The following SPTLC3 variants were observed in gnomAD, a reference collection of about 807,000 sequenced individuals.
SPTLC3 encodes the protein serine palmitoyltransferase 3.
In SPTLC3, 36 loss-of-function variants were observed where a neutral mutation model predicts 59.3. That is an observed-to-expected ratio of 0.61 (90% CI 0.47 to 0.80). The LOEUF is 0.80. Among genes scored for constraint, SPTLC3 ranks in the 30% least tolerant of loss-of-function variants. The pLI, the probability that SPTLC3 is intolerant of heterozygous loss-of-function variation, is 0.00. For missense variants in SPTLC3, 625 were observed against 685.1 expected, an observed-to-expected ratio of 0.91 and a Z score of 0.98; for synonymous variants, 257 against 240.8, an observed-to-expected ratio of 1.07 and a Z score of -0.62.
At chr20:13,053,724 C>T (rs1485669204) in intron 2 of SPTLC3, among the ~76,000 whole-genome samples, 2 of 151,930 alleles carry the variant, frequency 1.3e-5, no homozygotes, top group East Asian at 1.9e-4. Flanking sequence ...AAACACAGCA[C>T]AAAAACTTCG....
chr20:13,090,953 A>G, intron 4 of SPTLC3, 130 bp from the exon 5 acceptor site: 1 of 1,261,210 alleles, frequency 7.9e-7, no homozygotes. Context: ...GATTAGGGCA[A>G]TGGCAAATCT....
intron 9 of SPTLC3, among the ~76,000 whole-genome samples, chr20:13,137,282 A>C (rs981316232): frequency 6.6e-6 from 1 of 152,272 alleles, no homozygotes; most frequent in South Asian, 2.1e-4. Flanking sequence ...TCTGTGGGGA[A>C]GTTGTTGCCT....
chr20:13,110,702 T>TAGGA (rs1360672046), intron 7 of SPTLC3, among the ~76,000 whole-genome samples: 2 of 152,022 alleles, frequency 1.3e-5, no homozygotes, highest in Non-Finnish European at 2.9e-5. Context: ...TTCCCCAAGG[T>TAGGA]AGGAGTAACC....
chr20:13,141,608 C>T (rs112155275), intron 9 of SPTLC3, among the ~76,000 whole-genome samples: 2 of 152,188 alleles, frequency 1.3e-5, no homozygotes, highest in African/African-American at 4.8e-5. Context: ...CTGAGGGCCC[C>T]GGCATTCAAG....
At chr20:13,010,817 C>A (rs1050510342) in intron 1 of SPTLC3, among the ~76,000 whole-genome samples, 1 of 152,168 alleles carries the variant, frequency 6.6e-6, no homozygotes, top group African/African-American at 2.4e-5. Flanking sequence ...CTTAACTTTT[C>A]TCCCTTTTAT....
chr20:13,091,277 G>A, intron 5 of SPTLC3, 70 bp downstream of exon 5: 1 of 1,566,420 alleles, frequency 6.4e-7, no homozygotes, highest in Non-Finnish European at 8.7e-7. Flanking sequence ...GTAGGTCCTT[G>A]TTAGAAGTAT....
intron 8 of SPTLC3, among the ~76,000 whole-genome samples, chr20:13,122,073 C>A (rs2037879848): frequency 6.6e-6 from 1 of 152,180 alleles, no homozygotes; most frequent in African/African-American, 2.4e-5. Flanking sequence ...CCTGAGAATG[C>A]AGTTGAGTAA....
intron 8 of SPTLC3, among the ~76,000 whole-genome samples, chr20:13,124,220 C>T (rs949740930): frequency 6.6e-6 from 1 of 151,960 alleles, no homozygotes; most frequent in Non-Finnish European, 1.5e-5. Flanking sequence ...CCTTATGGTC[C>T]CTTTCTATCC....
intron 4 of SPTLC3, among the ~76,000 whole-genome samples, chr20:13,085,922 T>C (rs1988991252): frequency 6.6e-6 from 1 of 152,118 alleles, no homozygotes; most frequent in Non-Finnish European, 1.5e-5. Context: ...AGCATAACAC[T>C]GAATAAATGG....
chr20:13,114,975 T>C (rs1990451976), intron 7 of SPTLC3, among the ~76,000 whole-genome samples: 1 of 152,240 alleles, frequency 6.6e-6, no homozygotes, highest in Admixed American at 6.5e-5. Context: ...TTAAGAATAA[T>C]TCAAGTCCCT....
chr20:13,044,995 CCA>C (rs5840546), intron 1 of SPTLC3, among the ~76,000 whole-genome samples: 6,274 of 141,310 alleles, frequency 0.044, 321 homozygotes, highest in African/African-American at 0.13. Context: ...TGTGTCCCCA[CCA>C]CACACACACA....
At chr20:13,124,743 T>C (rs2037948517) in intron 8 of SPTLC3, among the ~76,000 whole-genome samples, 1 of 152,088 alleles carries the variant, frequency 6.6e-6, no homozygotes, top group African/African-American at 2.4e-5. Context: ...CTGTGAATGT[T>C]GAAAATGCTT....
intron 6 of SPTLC3, among the ~76,000 whole-genome samples, chr20:13,098,472 G>A (rs778916152): frequency 5.9e-5 from 9 of 152,218 alleles, no homozygotes; most frequent in South Asian, 2.1e-4. Flanking sequence ...TTTCTATTAC[G>A]TTTCAAATTA....
chr20:13,038,043 TG>T (rs1232598846), intron 1 of SPTLC3, among the ~76,000 whole-genome samples: 7 of 149,244 alleles, frequency 4.7e-5, no homozygotes, highest in East Asian at 3.9e-4. Flanking sequence ...GAGAAAATCA[TG>T]AATATATATA....
chr20:13,165,621 A>T lies in SPTLC3; in HGVS notation c.*754A>T, dbSNP rs1280124239. 6.6e-6 allele frequency: 1 copy of T among 152,228 alleles called. No individual in the cohort carries two copies. Among genetic ancestry groups the T allele is most frequent in the East Asian group, 1.9e-4 (1 of 5,190 alleles). The allele number at this position is 152,228 out of a possible 1,614,324, so 9.4% of individuals were successfully genotyped here. A position where few individuals can be genotyped will look rare whatever the true frequency, so the allele number is the denominator to read the frequency against. ...GCAAGCACAAGACACTTTTAGGTCT[A>T]GACTAAAATGGTAGTTACAACAATT... On this transcript the variant is annotated 3_prime_UTR_variant, in exon 12 of 12. Transcript: ENST00000399002.
At chr20:13,152,826 C>A (rs2038679622) in intron 9 of SPTLC3, among the ~76,000 whole-genome samples, 1 of 152,174 alleles carries the variant, frequency 6.6e-6, no homozygotes, top group Admixed American at 6.5e-5. Flanking sequence ...TTTGAAAAGG[C>A]ACAATCTGGG....
intron 6 of SPTLC3, among the ~76,000 whole-genome samples, chr20:13,109,841 C>T (rs774368962): frequency 2.0e-5 from 3 of 152,136 alleles, no homozygotes; most frequent in Non-Finnish European, 4.4e-5. Flanking sequence ...CTAAGGCAGG[C>T]GGGGAGAGCC....
Position 13,038,045 on chromosome 20 carries a change from A to AATATATATATATATATATATATATAT in SPTLC3, c.118-10885_118-10884insTATATATATATATATATATATATATA, listed in dbSNP as rs74181398. Among the ~76,000 whole-genome samples, 706 of 139,146 alleles carry AATATATATATATATATATATATATAT rather than the reference A, an allele frequency of 5.1e-3. 8 individuals carry two copies. Among genetic ancestry groups the AATATATATATATATATATATATATAT allele is most frequent in the African/African-American group, 0.013 (479 of 36,218 alleles). The allele number at this position is 139,146 out of a possible 152,430, so 91.3% of individuals were successfully genotyped here. On this transcript the variant is annotated intron_variant, in intron 1 of 11. Coordinates refer to ENST00000399002, the MANE Select transcript of SPTLC3 (RefSeq NM_018327.4). ...GCTGGAAAATACAGAGAAAATCATG[A>AATATATATATATATATATATATATAT]ATATATATATATATAATATATCTTC...
At chr20:13,091,496 C>T (rs532106611) in intron 5 of SPTLC3, among the ~76,000 whole-genome samples, 16 of 151,814 alleles carry the variant, frequency 1.1e-4, no homozygotes, top group Non-Finnish European at 2.1e-4. Flanking sequence ...TTGCTTGAAC[C>T]CAGGAAGTGG....
Sources: gnomAD v4.1 joint callset for allele counts (sites outside exome capture counted in the v4.1 genomes callset) on GRCh38, gnomAD v4.1.1 for gene constraint, MANE v1.5 for transcripts, NCBI Gene and HGNC (gene_info 2026-07-23, HGNC 2026-07-21) for gene names.